The following TRIM54 variants were observed in gnomAD, a reference collection of about 807,000 sequenced individuals.
TRIM54 encodes the protein tripartite motif-containing protein 54.
TRIM54 carries 40 observed loss-of-function variants against 42.0 expected under a neutral mutation model. The observed-to-expected ratio is 0.95, with a 90% CI of 0.74 to 1.24. The LOEUF is 1.24. TRIM54 is among the 50% of genes most tolerant of loss of function. The pLI, the probability that TRIM54 is intolerant of heterozygous loss-of-function variation, is 0.00. For missense variants in TRIM54, 485 were observed against 480.3 expected, an observed-to-expected ratio of 1.01 and a Z score of -0.09; for synonymous variants, 199 against 194.9, an observed-to-expected ratio of 1.02 and a Z score of -0.17.
rs1248338746 is a variant in TRIM54, at chr2:27,307,277, C to T, written c.*392C>T. On this transcript the variant is annotated 3_prime_UTR_variant, in exon 9 of 9. Coordinates refer to ENST00000380075, the MANE Select transcript of TRIM54 (RefSeq NM_187841.3). The surrounding 1 kb of genome is among the most constrained non-coding windows in gnomAD (Gnocchi z 6.9). ...GTCCACATGCACCTGGCTGACCTGG[C>T]TGAAAGCCGCTGTCTCGGAGCCCCC... 6 of 634,546 alleles carry T rather than the reference C, an allele frequency of 9.5e-6. No individual in the cohort carries two copies. The highest frequency in any genetic ancestry group is 3.1e-5 in the East Asian group (1 of 32,366). 39.3% of individuals were successfully genotyped at this position (634,546 alleles called of 1,614,324 possible).
intron 1 of TRIM54, among the ~76,000 whole-genome samples, chr2:27,283,780 G>GCACACA (rs1311012339): frequency 1.0e-4 from 8 of 76,508 alleles, no homozygotes; most frequent in African/African-American, 4.3e-4. Context: ...ACACACACAC[G>GCACACA]CGCGCACACA....
chr2:27,283,782 G>GCACACA (rs1294495519), intron 1 of TRIM54, among the ~76,000 whole-genome samples: 103 of 86,338 alleles, frequency 1.2e-3, no homozygotes, highest in South Asian at 0.01. Flanking sequence ...ACACACACGC[G>GCACACA]CGCACACACA....
chr2:27,307,310 T>G lies in TRIM54; in HGVS notation c.*425T>G. The G allele has an allele frequency of 1.3e-6, 1 of 784,092 alleles. No individual in the cohort carries two copies. Among genetic ancestry groups the G allele is most frequent in the Non-Finnish European group, 2.0e-6 (1 of 510,310 alleles). The allele number at this position is 784,092 out of a possible 1,614,324, so 48.6% of individuals were successfully genotyped here. ...CGCTGTCTCGGAGCCCCCCACAGCA[T>G]TTTGTTCCCCTCCCGCTGGCCCGGG... On this transcript the variant is annotated 3_prime_UTR_variant, in exon 9 of 9. Transcript: ENST00000380075. The surrounding 1 kb of genome is among the most constrained non-coding windows in gnomAD (Gnocchi z 6.9).
chr2:27,305,935 A>G, intron 5 of TRIM54, 118 bp downstream of exon 5: 2 of 1,375,614 alleles, frequency 1.5e-6, no homozygotes, highest in South Asian at 1.3e-5. Context: ...ACCTTGGGCA[A>G]GTCACCCCCT....
chr2:27,298,514 G>A (rs1161804091), intron 1 of TRIM54, 53 bp from the exon 2 acceptor site: 33 of 1,496,352 alleles, frequency 2.2e-5, no homozygotes, highest in East Asian at 1.1e-4. Context: ...TGCCTCCTCC[G>A]AGTCCCTTCA....
chr2:27,299,533 C>G, intron 3 of TRIM54, 117 bp downstream of exon 3: 1 of 1,535,198 alleles, frequency 6.5e-7, no homozygotes, highest in African/African-American at 1.4e-5. Context: ...TATTTAGAAA[C>G]AGGATCTCAC....
intron 5 of TRIM54, 102 bp from the exon 6 acceptor site, chr2:27,305,978 G>A (rs1477576315): frequency 2.8e-5 from 42 of 1,509,368 alleles, no homozygotes; most frequent in Non-Finnish European, 3.6e-5. Context: ...GAATTGGGAC[G>A]TGCCTTCCCA....
chr2:27,300,197 G>A (rs1678991664), intron 3 of TRIM54, among the ~76,000 whole-genome samples: 1 of 151,930 alleles, frequency 6.6e-6, no homozygotes, highest in Admixed American at 6.6e-5. Flanking sequence ...TTGAGATGGA[G>A]TTTTGCTCTT....
intron 1 of TRIM54, among the ~76,000 whole-genome samples, chr2:27,290,185 A>C (rs1329533957): frequency 6.6e-6 from 1 of 152,034 alleles, no homozygotes; most frequent in Non-Finnish European, 1.5e-5. Flanking sequence ...AAGAGACACT[A>C]TCTCTTAAAA....
Position 27,306,682 on chromosome 2 carries a change from C to A in TRIM54, c.*1+140C>A. On this transcript the variant is annotated intron_variant, in intron 8 of 8. Coordinates refer to ENST00000380075, the MANE Select transcript of TRIM54 (RefSeq NM_187841.3). This position sits in a 1 kb window ranked among gnomAD's most constrained non-coding sequence, Gnocchi z 6.1. ...GGAGCCCCCACTCCTCGGTGCAACCCAACCCCGGAGCCACAAAGGCGCGCC... is the reference window on the plus strand; with the variant it reads ...GGAGCCCCCACTCCTCGGTGCAACCAAACCCCGGAGCCACAAAGGCGCGCC... The A allele has an allele frequency of 1.1e-6, 1 of 936,718 alleles. No homozygotes were observed. Among genetic ancestry groups the A allele is most frequent in the Non-Finnish European group, 1.6e-6 (1 of 636,238 alleles). 58.0% of individuals were successfully genotyped at this position (936,718 alleles called of 1,614,324 possible).
At chr2:27,303,698 A>G (rs925882228) in intron 3 of TRIM54, among the ~76,000 whole-genome samples, 9 of 152,230 alleles carry the variant, frequency 5.9e-5, no homozygotes, top group African/African-American at 2.2e-4. Flanking sequence ...GGTATTCCCT[A>G]GATTAATTAA....
Position 27,282,825 on chromosome 2 carries a change from A to T in TRIM54, c.94A>T (p.Met32Leu), listed in dbSNP as rs762323964. ...GCTCATCTGCCCCATCTGCCTGGAG[A>T]TGTTCTCCAAACCAGTGGTGATCCT... ...KQLICPICLE[M>L]FSKPVVILPC... The change falls in exon 1 of 9, where the codon ATG becomes TTG. Residue 32 changes from methionine (M) to leucine (L), a missense_variant. By Grantham distance (15) the Met-to-Leu change is conservative. Coordinates refer to ENST00000380075, the MANE Select transcript of TRIM54 (RefSeq NM_187841.3). 6.2e-7 allele frequency: 1 copy of T among 1,614,074 alleles called. No homozygotes were observed. The highest frequency in any genetic ancestry group is 1.1e-5 in the South Asian group (1 of 91,064).
rs534128118 is a variant in TRIM54, at chr2:27,307,242, G to C, written c.*357G>C. Reference sequence around the variant, plus strand: ...ACCTCTGAGGTCCTGGGGATTTGGGGACCCTTGGGGTCCACATGCACCTGG... The same window carrying C: ...ACCTCTGAGGTCCTGGGGATTTGGGCACCCTTGGGGTCCACATGCACCTGG... On this transcript the variant is annotated 3_prime_UTR_variant, in exon 9 of 9. Coordinates refer to ENST00000380075, the MANE Select transcript of TRIM54 (RefSeq NM_187841.3). The surrounding 1 kb of genome is among the most constrained non-coding windows in gnomAD (Gnocchi z 6.9). 1.9e-4 allele frequency: 95 copies of C among 506,934 alleles called. No individual in the cohort carries two copies. The highest frequency in any genetic ancestry group is 1.8e-3 in the African/African-American group (89 of 49,740). 31.4% of individuals were successfully genotyped at this position (506,934 alleles called of 1,614,324 possible). A position where few individuals can be genotyped will look rare whatever the true frequency, so the allele number is the denominator to read the frequency against.
At position 27,299,296 on chromosome 2, in the gene TRIM54, AGAG is replaced by A. The variant is rs752828748; in HGVS notation, c.394_396del (p.Glu132del). ...ACCTCATGTGCGAGGAGCATGAAGA[AGAG>A]AAGATCAATATTTACTGCCTGAGCT... On this transcript the variant is annotated inframe_deletion, in exon 3 of 9. Coordinates refer to ENST00000380075, the MANE Select transcript of TRIM54 (RefSeq NM_187841.3). 1.2e-4 allele frequency: 193 copies of A among 1,614,190 alleles called. 2 individuals are homozygous for A. In the East Asian group the frequency reaches 4.3e-3, roughly 36 times the overall value.
chr2:27,305,545 C>T, intron 4 of TRIM54, 39 bp from the exon 5 acceptor site: 1 of 1,567,852 alleles, frequency 6.4e-7, no homozygotes, highest in East Asian at 2.3e-5. Flanking sequence ...CACCGGGTCT[C>T]AGCCACGCCT....
intron 1 of TRIM54, among the ~76,000 whole-genome samples, chr2:27,292,271 T>G (rs1349873953): frequency 1.3e-5 from 2 of 152,194 alleles, no homozygotes; most frequent in Non-Finnish European, 2.9e-5. Context: ...GATTACTTTT[T>G]TCTTTCTAAA....
At chr2:27,283,766 A>ACACACGCATGCGCGCGCGCGCG (rs1164806717) in intron 1 of TRIM54, among the ~76,000 whole-genome samples, 1 of 88,702 alleles carries the variant, frequency 1.1e-5, no homozygotes, top group Admixed American at 1.2e-4. Context: ...GGGCAAAGGC[A>ACACACGCATGCGCGCGCGCGCG]CACACACACA....
rs1296275753 is a variant in TRIM54, at chr2:27,305,472, G to C, written c.610-112G>C. The stretch of plus-strand genomic sequence containing the variant: ...GTTCTGGCTCAGCCACTAACTCACA[G>C]TGTCACTACGGATGGGTCACTTTCT... On this transcript the variant is annotated intron_variant, in intron 4 of 8. Coordinates refer to ENST00000380075, the MANE Select transcript of TRIM54 (RefSeq NM_187841.3). 5 of 830,996 alleles carry C rather than the reference G, an allele frequency of 6.0e-6. No homozygotes were observed. In the Admixed American group the frequency reaches 1.3e-4, roughly 22 times the overall value. 51.5% of individuals were successfully genotyped at this position (830,996 alleles called of 1,614,324 possible).
chr2:27,306,857 C>A lies in TRIM54; in HGVS notation c.*2-30C>A. On this transcript the variant is annotated intron_variant, in intron 8 of 8. Coordinates refer to ENST00000380075, the MANE Select transcript of TRIM54 (RefSeq NM_187841.3). The surrounding 1 kb of genome is among the most constrained non-coding windows in gnomAD (Gnocchi z 6.1). ...AGCTGCCTCGTGCCTTCGCAGCACC[C>A]GCCCACCGAGCCTTCTTTCCCGGGC... The A allele has an allele frequency of 2.2e-6, 1 of 445,690 alleles. No individual in the cohort carries two copies. The highest frequency in any genetic ancestry group is 4.0e-6 in the Non-Finnish European group (1 of 249,328). The allele number at this position is 445,690 out of a possible 1,614,324, so 27.6% of individuals were successfully genotyped here. A position where few individuals can be genotyped will look rare whatever the true frequency, so the allele number is the denominator to read the frequency against.
Sources: gnomAD v4.1 joint callset for allele counts (sites outside exome capture counted in the v4.1 genomes callset) on GRCh38, gnomAD v4.1.1 for gene constraint, Gnocchi (gnomAD v3.1) non-coding constraint, MANE v1.5 for transcripts, NCBI Gene and HGNC (gene_info 2026-07-23, HGNC 2026-07-21) for gene names.